Variants in BCAP31 observed in about 807,000 individuals in gnomAD.
BCAP31 encodes the protein B-cell receptor-associated protein 31.
For missense variants in BCAP31, 124 were observed against 193.0 expected (o/e 0.64, Z 2.12); for synonymous variants, 75 against 80.9 (o/e 0.93, Z 0.39).
intron 3 of BCAP31, among the ~76,000 whole-genome samples, chrX:153,719,268 G>C (rs1378040649): frequency 9.0e-6 from 1 of 110,949 alleles, no homozygotes; most frequent in Non-Finnish European, 1.9e-5. Flanking sequence ...CCCCACCCCA[G>C]ACCCAAAAGC....
chrX:153,702,914 G>A, intron 6 of BCAP31, 21 bp downstream of exon 6: 1 of 1,207,812 alleles, frequency 8.3e-7, no homozygotes, highest in South Asian at 1.8e-5. Context: ...CTGCGGGGAA[G>A]GACACGAGGT....
At chrX:153,723,592 C>T in intron 1 of BCAP31, 1 of 1,168,204 alleles carries the variant, frequency 8.6e-7, no homozygotes, top group Non-Finnish European at 1.1e-6. Flanking sequence ...ATTTCCGACG[C>T]CCGTTTAACT....
intron 4 of BCAP31, among the ~76,000 whole-genome samples, chrX:153,705,998 G>A (rs187517654): frequency 7.1e-5 from 8 of 112,050 alleles, no homozygotes; most frequent in Non-Finnish European, 1.1e-4. Context: ...CCCGGCTATT[G>A]AGAACCAGGG....
chrX:153,701,522 C>T (rs10284172), intron 7 of BCAP31, among the ~76,000 whole-genome samples: 5,452 of 112,580 alleles, frequency 0.048, 315 homozygotes, highest in African/African-American at 0.17. Flanking sequence ...GCCTGGTGCA[C>T]CCAAGCTAGT....
chrX:153,712,487 G>A (rs2091599266), intron 4 of BCAP31, among the ~76,000 whole-genome samples: 1 of 111,884 alleles, frequency 8.9e-6, no homozygotes, highest in Admixed American at 9.5e-5. Flanking sequence ...ATGATAAACT[G>A]AGTAGAACAC....
intron 3 of BCAP31, among the ~76,000 whole-genome samples, chrX:153,719,814 T>C (rs1176422273): frequency 9.0e-6 from 1 of 111,717 alleles, no homozygotes; most frequent in Non-Finnish European, 1.9e-5. Context: ...GATTCTTGTC[T>C]CCAGATGGTC....
At chrX:153,720,476 T>C (rs868931487) in intron 3 of BCAP31, among the ~76,000 whole-genome samples, 4 of 110,181 alleles carry the variant, frequency 3.6e-5, no homozygotes, top group South Asian at 3.9e-4. Context: ...GCAATTCTCC[T>C]GCCTCAGTCT....
chrX:153,710,295 G>A (rs59866766), intron 4 of BCAP31, among the ~76,000 whole-genome samples: 12 of 111,622 alleles, frequency 1.1e-4, no homozygotes, highest in Non-Finnish European at 7.5e-5. Context: ...ATACGGGATG[G>A]TGGTGGCCCC....
intron 4 of BCAP31, among the ~76,000 whole-genome samples, chrX:153,706,355 C>T (rs1352522538): frequency 8.9e-6 from 1 of 112,461 alleles, no homozygotes; most frequent in African/African-American, 3.2e-5. Flanking sequence ...CCTGCCCAAG[C>T]CCCTGGTCTT....
intron 5 of BCAP31, 74 bp from the exon 6 acceptor site, chrX:153,703,132 G>A (rs1385548995): frequency 6.0e-6 from 7 of 1,163,823 alleles, no homozygotes; most frequent in South Asian, 5.6e-5. Context: ...CCTCCCCACC[G>A]AGCTGCGGTT....
chrX:153,701,373 T>G (rs781937035), intron 7 of BCAP31, among the ~76,000 whole-genome samples: 2 of 112,824 alleles, frequency 1.8e-5, no homozygotes, highest in East Asian at 5.6e-4. Context: ...GGGTGCCCCC[T>G]TTGAGGCTGG....
intron 1 of BCAP31, 34 bp from the exon 2 acceptor site, chrX:153,723,322 C>T (rs2091681297): frequency 8.6e-7 from 1 of 1,165,892 alleles, no homozygotes; most frequent in Non-Finnish European, 1.1e-6. Flanking sequence ...GACTTGTAAG[C>T]GCTGGGCAGC....
chrX:153,723,920 G>C (rs782393812), intron 1 of BCAP31: 4 of 492,145 alleles, frequency 8.1e-6, no homozygotes, highest in South Asian at 5.0e-5. Context: ...GGCAGGATTC[G>C]GGACCAAGCG....
At chrX:153,704,649 C>G (rs1250406786) in intron 4 of BCAP31, among the ~76,000 whole-genome samples, 12 of 111,924 alleles carry the variant, frequency 1.1e-4, no homozygotes, top group Non-Finnish European at 2.3e-4. Flanking sequence ...GGCTGGAATT[C>G]CAAATTATGT....
chrX:153,723,707 C>G (rs1435411720), intron 1 of BCAP31: 2 of 1,140,456 alleles, frequency 1.8e-6, no homozygotes, highest in Non-Finnish European at 2.3e-6. Context: ...GCCGCAGAGG[C>G]GGGCGCTCTG....
intron 5 of BCAP31, 95 bp downstream of exon 5, chrX:153,703,864 T>G (rs1603222908): frequency 1.8e-6 from 2 of 1,120,981 alleles, no homozygotes; most frequent in East Asian, 6.3e-5. Flanking sequence ...TTTCCCAGCG[T>G]GACAGGCTAG....
At chrX:153,718,993 G>C (rs1189410919) in intron 3 of BCAP31, among the ~76,000 whole-genome samples, 2 of 111,933 alleles carry the variant, frequency 1.8e-5, no homozygotes, top group Non-Finnish European at 3.8e-5. Context: ...TTTGAAGAAG[G>C]CTCTGCAGAT....
At chrX:153,706,156 C>T (rs1391758522) in intron 4 of BCAP31, among the ~76,000 whole-genome samples, 3 of 111,331 alleles carry the variant, frequency 2.7e-5, no homozygotes, top group Non-Finnish European at 3.8e-5. Context: ...GGCCCCGGTT[C>T]CCCTTCCTCT....
intron 1 of BCAP31, 60 bp downstream of exon 1, chrX:153,724,274 C>G (rs782228248): frequency 1.6e-4 from 32 of 195,146 alleles, no homozygotes; most frequent in South Asian, 1.6e-3. Context: ...TCTCCCTCGT[C>G]GATGGGCCGG....
Sources: gnomAD v4.1 joint callset for allele counts (sites outside exome capture counted in the v4.1 genomes callset) on GRCh38, gnomAD v4.1.1 for gene constraint, MANE v1.5 for transcripts, NCBI Gene and HGNC (gene_info 2026-07-23, HGNC 2026-07-21) for gene names.